The following CPQ variants were observed in gnomAD, a reference collection of about 807,000 sequenced individuals.
CPQ encodes carboxypeptidase Q.
A neutral mutation model predicts 45.7 loss-of-function variants in CPQ; 37 were observed. That is an observed-to-expected ratio of 0.81 (90% confidence interval 0.62 to 1.07). The LOEUF (loss-of-function observed/expected upper bound fraction) is 1.07, where lower values mean the gene tolerates loss of function less well. Ranked by LOEUF, CPQ falls within the 50% of genes least tolerant of loss-of-function variation. The probability of loss-of-function intolerance (pLI) is 0.00; values close to 1 mark genes in which losing one functional copy is unlikely to be tolerated. For missense variants in CPQ, 537 were observed against 572.9 expected (o/e 0.94, Z 0.64); for synonymous variants, 186 against 205.8 (o/e 0.90, Z 0.82).
At chr8:96,693,667 G>C (rs1347237071) in intron 1 of CPQ, among the ~76,000 whole-genome samples, 3 of 152,096 alleles carry the variant, frequency 2.0e-5, no homozygotes, top group South Asian at 2.1e-4. Context: ...CAAAAAAAAG[G>C]CTGAGGGATT....
At chr8:96,767,606 G>GA (rs1199840751) in intron 1 of CPQ, among the ~76,000 whole-genome samples, 1 of 139,520 alleles carries the variant, frequency 7.2e-6, no homozygotes, top group Non-Finnish European at 1.5e-5. Context: ...TGCTGATGAG[G>GA]AAAAATCCCT....
intron 4 of CPQ, among the ~76,000 whole-genome samples, chr8:96,897,549 C>T (rs1180123360): frequency 6.6e-6 from 1 of 152,002 alleles, no homozygotes; most frequent in Admixed American, 6.6e-5. Context: ...GGGTCACAGT[C>T]AAAAGGTAGT....
chr8:96,682,841 T>A (rs1809169084), intron 1 of CPQ, among the ~76,000 whole-genome samples: 1 of 152,206 alleles, frequency 6.6e-6, no homozygotes, highest in South Asian at 2.1e-4. Flanking sequence ...TCCTTACAGA[T>A]GAGATGAGTT....
At chr8:96,678,282 A>G (rs1360613525) in intron 1 of CPQ, among the ~76,000 whole-genome samples, 1 of 152,058 alleles carries the variant, frequency 6.6e-6, no homozygotes, top group Non-Finnish European at 1.5e-5. Context: ...TTTTCACAAT[A>G]TTGGTTCCAC....
chr8:96,984,357 T>C (rs139913483), intron 5 of CPQ, among the ~76,000 whole-genome samples: 29 of 152,274 alleles, frequency 1.9e-4, no homozygotes, highest in African/African-American at 6.3e-4. Context: ...AATGCAACAG[T>C]GTGGGGAGGT....
intron 6 of CPQ, among the ~76,000 whole-genome samples, chr8:97,048,203 T>C (rs1810293679): frequency 6.6e-6 from 1 of 152,184 alleles, no homozygotes; most frequent in South Asian, 2.1e-4. Context: ...GATTTCTTCA[T>C]TGAAGGATAC....
chr8:96,648,533 TA>T (rs1815542293), intron 1 of CPQ, among the ~76,000 whole-genome samples: 1 of 152,236 alleles, frequency 6.6e-6, no homozygotes, highest in Non-Finnish European at 1.5e-5. Context: ...TGTGGAATTT[TA>T]CTTTATTTTA....
intron 1 of CPQ, among the ~76,000 whole-genome samples, chr8:96,712,281 T>G (rs1047768256): frequency 6.6e-6 from 1 of 152,148 alleles, no homozygotes; most frequent in Non-Finnish European, 1.5e-5. Context: ...AGGCGCATGG[T>G]GTAAGCTGTT....
At chr8:96,939,621 A>G (rs1190702135) in intron 4 of CPQ, among the ~76,000 whole-genome samples, 1 of 152,184 alleles carries the variant, frequency 6.6e-6, no homozygotes, top group Non-Finnish European at 1.5e-5. Flanking sequence ...TTAACATAGC[A>G]TTCATATTGC....
intron 2 of CPQ, among the ~76,000 whole-genome samples, chr8:96,792,632 T>C (rs1810864030): frequency 6.6e-6 from 1 of 152,190 alleles, no homozygotes. Flanking sequence ...CTGAGTCTTA[T>C]CCATTTCTAT....
chr8:96,719,267 G>A (rs924577242), intron 1 of CPQ, among the ~76,000 whole-genome samples: 8 of 152,198 alleles, frequency 5.3e-5, no homozygotes, highest in African/African-American at 1.4e-4. Context: ...GAAATCGAGC[G>A]CAGCGCTGGT....
intron 4 of CPQ, among the ~76,000 whole-genome samples, chr8:96,895,325 C>T (rs185211956): frequency 1.3e-5 from 2 of 152,252 alleles, no homozygotes; most frequent in African/African-American, 4.8e-5. Flanking sequence ...ACTTCTTTCA[C>T]TCTATTTTCT....
Position 97,061,231 on chromosome 8 carries a change from G to T in CPQ, c.1054-4778G>T, listed in dbSNP as rs767182221. 4.6e-5 allele frequency among the ~76,000 whole-genome samples: 7 copies of T among 152,100 alleles called. No individual in the cohort carries two copies. In the South Asian group the frequency reaches 8.3e-4, roughly 18 times the overall value. ...TATTATTTTAGGCTTTTTATTTATAGTTGGAAGCAAATTGTGGAGCAAGAG... is the reference window on the plus strand; with the variant it reads ...TATTATTTTAGGCTTTTTATTTATATTTGGAAGCAAATTGTGGAGCAAGAG... On this transcript the variant is annotated intron_variant, in intron 6 of 7. Transcript: ENST00000220763.
chr8:97,054,740 G>T (rs116172006), intron 6 of CPQ, among the ~76,000 whole-genome samples: 1 of 152,080 alleles, frequency 6.6e-6, no homozygotes, highest in Non-Finnish European at 1.5e-5. Flanking sequence ...AGACAAACAG[G>T]GTGGTATAAT....
intron 3 of CPQ, among the ~76,000 whole-genome samples, chr8:96,862,142 A>C (rs755404771): frequency 6.6e-6 from 1 of 151,994 alleles, no homozygotes; most frequent in Non-Finnish European, 1.5e-5. Context: ...CAGAGAAACA[A>C]TGTATTTTGA....
chr8:96,874,427 C>T (rs984543779), intron 3 of CPQ, among the ~76,000 whole-genome samples: 2 of 151,752 alleles, frequency 1.3e-5, no homozygotes, highest in African/African-American at 4.8e-5. Context: ...GACATTTCAT[C>T]ATCCCAAAAA....
intron 1 of CPQ, among the ~76,000 whole-genome samples, chr8:96,649,840 A>C (rs2651447): frequency 0.88 from 133,540 of 152,258 alleles, 59,088 homozygotes; most frequent in Non-Finnish European, 0.94. Context: ...CAGGCAAGTT[A>C]TTAGAGAACT....
intron 6 of CPQ, among the ~76,000 whole-genome samples, chr8:97,042,160 A>G (rs199649300): frequency 0.092 from 13,891 of 151,666 alleles, 816 homozygotes; most frequent in African/African-American, 0.24. Context: ...CCACAATTTC[A>G]GAGCCTGTTA....
Position 97,067,213 on chromosome 8 carries a change from G to A in CPQ, c.1255+1003G>A, listed in dbSNP as rs138793792. Among the ~76,000 whole-genome samples the A allele has an allele frequency of 8.6e-5, 13 of 151,968 alleles. No homozygotes were observed. In the East Asian group the frequency reaches 2.5e-3, roughly 29 times the overall value. On this transcript the variant is annotated intron_variant, in intron 7 of 7. Transcript: ENST00000220763. ...AAATGCTGGGATTATAGGCATGAGCGACCATGCCTGGCCTCTAGAACAGTC... is the reference window on the plus strand; with the variant it reads ...AAATGCTGGGATTATAGGCATGAGCAACCATGCCTGGCCTCTAGAACAGTC...
Sources: allele counts gnomAD v4.1 joint callset (sites outside exome capture counted in the v4.1 genomes callset), GRCh38; gene constraint gnomAD v4.1.1; transcripts MANE v1.5; gene names NCBI Gene and HGNC (gene_info 2026-07-23, HGNC 2026-07-21).